MAD2L1: variants seen among roughly 807,000 people sequenced by gnomAD.
MAD2L1 encodes mitotic arrest deficient 2 like 1.
MAD2L1 carries 10 observed loss-of-function variants against 25.9 expected under a neutral mutation model. The ratio of observed to expected loss-of-function variants is 0.39; its 90% confidence interval spans 0.24 to 0.66. MAD2L1 has a LOEUF of 0.66. Among genes scored for constraint, MAD2L1 ranks in the 30% least tolerant of loss-of-function variants. The pLI, the probability that MAD2L1 is intolerant of heterozygous loss-of-function variation, is 0.49. For synonymous variants in MAD2L1, 81 were observed against 91.8 expected (o/e 0.88, Z 0.67); for missense variants, 180 against 246.4 (o/e 0.73, Z 1.80).
rs1303908033 is a variant in MAD2L1 at position 120,060,863 on chromosome 4, A to G, written c.445+11T>C. On this transcript the variant is annotated intron_variant, in intron 4 of 4. Coordinates refer to ENST00000296509, the MANE Select transcript of MAD2L1 (RefSeq NM_002358.4). Reference sequence around the variant, plus strand: ...TCAATTTAATTCAACAAGAAGTTGTATAATACTTACAAGAAACTTCCAACA... The same window carrying G: ...TCAATTTAATTCAACAAGAAGTTGTGTAATACTTACAAGAAACTTCCAACA... The G allele has an allele frequency of 2.6e-6, 4 of 1,563,038 alleles. No homozygotes were observed. The highest frequency in any genetic ancestry group is 3.5e-6 in the Non-Finnish European group (4 of 1,137,228).
chr4:120,058,856 GA>G lies in MAD2L1; in HGVS notation c.*1261del. On this transcript the variant is annotated 3_prime_UTR_variant, in exon 5 of 5. Coordinates refer to ENST00000296509, the MANE Select transcript of MAD2L1 (RefSeq NM_002358.4). Reference sequence around the variant, plus strand: ...TGTAATTTCTGAATGAACAGATTCAGACTATGTGCAATTACTTAAAAATAGT... The same window carrying G: ...TGTAATTTCTGAATGAACAGATTCAGCTATGTGCAATTACTTAAAAATAGT... 1 of 152,254 alleles carries G rather than the reference GA, an allele frequency of 6.6e-6. No individual in the cohort carries two copies. The highest frequency in any genetic ancestry group is 2.4e-5 in the African/African-American group (1 of 41,548). The allele number at this position is 152,254 out of a possible 1,614,324, so 9.4% of individuals were successfully genotyped here.
intron 4 of MAD2L1, 123 bp downstream of exon 4, chr4:120,060,751 T>C (rs2110508103): frequency 1.6e-6 from 1 of 616,572 alleles, no homozygotes; most frequent in African/African-American, 1.9e-5. Flanking sequence ...ATAATGTTTT[T>C]CCTTCAATTT....
At position 120,058,536 on chromosome 4, in the gene MAD2L1, G is replaced by C. The variant is rs576677969; in HGVS notation, c.*1582C>G. On this transcript the variant is annotated 3_prime_UTR_variant, in exon 5 of 5. Coordinates refer to ENST00000296509, the MANE Select transcript of MAD2L1 (RefSeq NM_002358.4). ...TCCCAGCTACTCAGGAGGCTGAGAC[G>C]GAAGAATGGCTGGAATCCGGGAGGC... is the stretch of plus-strand genomic sequence containing the variant. The C allele has an allele frequency of 1.3e-5, 2 of 152,188 alleles. No homozygotes were observed. The highest frequency in any genetic ancestry group is 4.8e-5 in the African/African-American group (2 of 41,476). The allele number at this position is 152,188 out of a possible 1,614,324, so 9.4% of individuals were successfully genotyped here.
intron 3 of MAD2L1, 145 bp from the exon 4 acceptor site, chr4:120,061,122 T>G: frequency 1.8e-6 from 1 of 557,656 alleles, no homozygotes; most frequent in Non-Finnish European, 3.3e-6. Flanking sequence ...GTAAAAAATG[T>G]GAGTGAAAGT....
chr4:120,064,264 A>T (rs1030230654), intron 2 of MAD2L1, among the ~76,000 whole-genome samples: 3 of 151,866 alleles, frequency 2.0e-5, no homozygotes, highest in African/African-American at 4.8e-5. Flanking sequence ...TTTATTCCTG[A>T]CCCCCAATTT....
At chr4:120,064,048 A>C (rs920080694) in intron 2 of MAD2L1, among the ~76,000 whole-genome samples, 2 of 152,162 alleles carry the variant, frequency 1.3e-5, no homozygotes, top group African/African-American at 4.8e-5. Context: ...CTTTAACTAA[A>C]ATAAAAGGGA....
chr4:120,066,770 C>G lies in MAD2L1; in HGVS notation c.-36G>C. ...ACAAACAAAAGCACGCGCTTCCACT[C>G]CGCGGACAGCAACCACAGCGGCTCC... On this transcript the variant is annotated 5_prime_UTR_variant, in exon 1 of 5. Coordinates refer to ENST00000296509, the MANE Select transcript of MAD2L1 (RefSeq NM_002358.4). 1 of 1,513,344 alleles carries G rather than the reference C, an allele frequency of 6.6e-7. No individual in the cohort carries two copies. Among genetic ancestry groups the G allele is most frequent in the Non-Finnish European group, 9.1e-7 (1 of 1,094,906 alleles). The allele number at this position is 1,513,344 out of a possible 1,614,324, so 93.7% of individuals were successfully genotyped here.
At chr4:120,066,576 T>A in intron 1 of MAD2L1, 86 bp downstream of exon 1, 1 of 1,239,490 alleles carries the variant, frequency 8.1e-7, no homozygotes, top group Middle Eastern at 1.9e-4. Context: ...CCAGATTACT[T>A]CTCTGGTATC....
chr4:120,061,982 C>A lies in MAD2L1; in HGVS notation c.334G>T (p.Asp112Tyr), dbSNP rs1024078281. 6 of 1,603,362 alleles carry A rather than the reference C, an allele frequency of 3.7e-6. No homozygotes were observed. In the East Asian group the frequency reaches 1.1e-4, roughly 30 times the overall value. The change falls in exon 3 of 5, where the codon GAT becomes TAT. Residue 112 changes from aspartate to tyrosine, a missense_variant. Asp to Tyr is a radical substitution (Grantham distance 160). Transcript: ENST00000296509. ...AATGTAATTCCTATTTACCTGTCAT[C>A]TTTTGCAGTCTTGTCACACTCAATA... ...FDIECDKTAK[D>Y]DSAPREKSQK...
chr4:120,065,466 G>A (rs1311028418), intron 2 of MAD2L1: 1 of 480,392 alleles, frequency 2.1e-6, no homozygotes, highest in Admixed American at 3.6e-5. Context: ...AGCCATATCA[G>A]ATTTCTAACA....
chr4:120,063,721 A>G (rs2908986), intron 2 of MAD2L1, among the ~76,000 whole-genome samples: 108,450 of 151,758 alleles, frequency 0.71, 38,962 homozygotes, highest in East Asian at 0.88. Context: ...ACAATTGGCC[A>G]GCAAAACAAA....
Position 120,066,762 on chromosome 4 carries a change from C to G in MAD2L1, c.-28G>C, listed in dbSNP as rs1304402039. 1.3e-6 allele frequency: 2 copies of G among 1,561,502 alleles called. No individual in the cohort carries two copies. Among genetic ancestry groups the G allele is most frequent in the Non-Finnish European group, 1.8e-6 (2 of 1,138,070 alleles). On this transcript the variant is annotated 5_prime_UTR_variant, in exon 1 of 5. Coordinates refer to ENST00000296509, the MANE Select transcript of MAD2L1 (RefSeq NM_002358.4). ...CCAGGGACACAAACAAAAGCACGCGCTTCCACTCCGCGGACAGCAACCACA... is the reference window on the plus strand; with the variant it reads ...CCAGGGACACAAACAAAAGCACGCGGTTCCACTCCGCGGACAGCAACCACA...
rs750970089 is a variant in MAD2L1 at position 120,060,186 on chromosome 4, G to A, written c.550C>T (p.Arg184Cys). ...TTGTGGATTGTAGTAGTAAATGAAC[G>A]AAGGCGGACTTCCTCAGAATTGGTA... ...FITNSEEVRLRSFTTTIHKVN... is the reference protein window; with the variant it reads ...FITNSEEVRLCSFTTTIHKVN... Residue 184 changes from arginine (R) to cysteine (C), a missense_variant, in exon 5 of 5, where the codon CGT (arginine) becomes TGT (cysteine). Transcript: ENST00000296509. 2.5e-6 allele frequency: 4 copies of A among 1,612,456 alleles called. No individual in the cohort carries two copies. Among genetic ancestry groups the A allele is most frequent in the East Asian group, 2.2e-5 (1 of 44,840 alleles).
At position 120,058,489 on chromosome 4, in the gene MAD2L1, G is replaced by T. The variant is rs1482879178; in HGVS notation, c.*1629C>A. The T allele has an allele frequency of 2.0e-5, 3 of 151,936 alleles. No homozygotes were observed. The highest frequency in any genetic ancestry group is 2.9e-5 in the Non-Finnish European group (2 of 68,060). The allele number at this position is 151,936 out of a possible 1,614,324, so 9.4% of individuals were successfully genotyped here. On this transcript the variant is annotated 3_prime_UTR_variant, in exon 5 of 5. Coordinates refer to ENST00000296509, the MANE Select transcript of MAD2L1 (RefSeq NM_002358.4). ...TACTAAAAATATAAAAATTAGCCAG[G>T]TGTGGTGGCACGTGCCTGTAATCCC...
intron 1 of MAD2L1, 148 bp from the exon 2 acceptor site, chr4:120,065,966 A>G: frequency 3.0e-6 from 2 of 663,570 alleles, no homozygotes; most frequent in South Asian, 3.1e-5. Flanking sequence ...CAGAGTAGGT[A>G]CAAAGTGGCA....
intron 2 of MAD2L1, among the ~76,000 whole-genome samples, chr4:120,065,149 A>G (rs1726293248): frequency 6.6e-6 from 1 of 152,370 alleles, no homozygotes; most frequent in Non-Finnish European, 1.5e-5. Flanking sequence ...AACGACAAAT[A>G]GAAATACGTG....
chr4:120,062,063 C>A lies in MAD2L1; in HGVS notation c.253G>T (p.Val85Phe). 1 of 1,612,690 alleles carries A rather than the reference C, an allele frequency of 6.2e-7. No individual in the cohort carries two copies. The highest frequency in any genetic ancestry group is 1.1e-5 in the South Asian group (1 of 90,910). The change falls in exon 3 of 5, where the codon GTT (valine) becomes TTT (phenylalanine). Residue 85 changes from valine (V) to phenylalanine (F), a missense_variant. Val to Phe is a conservative substitution (Grantham distance 50). Transcript: ENST00000296509. ...CTTTCAATATTTGAGATAACTACAACCAGTTTCTGAACTGAACACTTGTAT... is the reference window on the plus strand; with the variant it reads ...CTTTCAATATTTGAGATAACTACAAACAGTTTCTGAACTGAACACTTGTAT... ...WLYKCSVQKLVVVISNIESGE... is the reference protein window; with the variant it reads ...WLYKCSVQKLFVVISNIESGE...
intron 2 of MAD2L1, among the ~76,000 whole-genome samples, chr4:120,063,106 T>C (rs1726253082): frequency 1.3e-5 from 2 of 152,146 alleles, no homozygotes; most frequent in African/African-American, 2.4e-5. Context: ...TAAATTTAGT[T>C]TTTAGTATAC....
At position 120,065,642 on chromosome 4, in the gene MAD2L1, G is replaced by T; in HGVS notation, c.220+30C>A. On this transcript the variant is annotated intron_variant, in intron 2 of 4. Coordinates refer to ENST00000296509, the MANE Select transcript of MAD2L1 (RefSeq NM_002358.4). ...GCTTAAGATGCTAGAAAATCTGCAA[G>T]ACTCAAATTGTTTCCAATGATTAAA... The T allele has an allele frequency of 1.9e-6, 3 of 1,608,924 alleles. No individual in the cohort carries two copies. The South Asian group carries it at 3.3e-5, about 18-fold the overall frequency.
Sources: allele counts gnomAD v4.1 joint callset (sites outside exome capture counted in the v4.1 genomes callset), GRCh38; gene constraint gnomAD v4.1.1; transcripts MANE v1.5; gene names NCBI Gene and HGNC (gene_info 2026-07-23, HGNC 2026-07-21).